GPHN: variants seen among roughly 807,000 people sequenced by gnomAD.
GPHN encodes the protein gephyrin.
Under a neutral mutation model 95.5 loss-of-function variants are expected in GPHN, and 17 were observed. That is an observed-to-expected ratio of 0.18 (90% CI 0.12 to 0.27). GPHN has a LOEUF of 0.27. Ranked by LOEUF, GPHN falls within the 10% of genes least tolerant of loss-of-function variation. The probability of loss-of-function intolerance (pLI) is 1.00; values close to 1 mark genes in which losing one functional copy is unlikely to be tolerated. For synonymous variants in GPHN, 320 were observed against 322.5 expected (o/e 0.99, Z 0.08); for missense variants, 660 against 978.1 (o/e 0.67, Z 4.34).
chr14:67,071,489 G>C (rs1488263219), intron 11 of GPHN, among the ~76,000 whole-genome samples: 2 of 151,802 alleles, frequency 1.3e-5, no homozygotes, highest in African/African-American at 2.4e-5. Flanking sequence ...GTTATGGGAT[G>C]GGGGGAGTGG....
chr14:67,074,464 C>G (rs1330513334), intron 11 of GPHN, among the ~76,000 whole-genome samples: 4 of 152,110 alleles, frequency 2.6e-5, no homozygotes, highest in African/African-American at 9.7e-5. Context: ...GACTGTTTTG[C>G]CAATTGGCTG....
chr14:67,391,271 A>ATGTGTGTGTGTGTGTG, the GPHN span, among the ~76,000 whole-genome samples: 308 of 143,906 alleles, frequency 2.1e-3, no homozygotes, highest in Middle Eastern at 0.011. Flanking sequence ...AGCAGCTGAT[A>ATGTGTGTGTGTGTGTG]TGTGTGTGTG....
chr14:67,082,563 A>T (rs971448733), intron 11 of GPHN, among the ~76,000 whole-genome samples: 4 of 152,212 alleles, frequency 2.6e-5, no homozygotes, highest in African/African-American at 9.6e-5. Flanking sequence ...ATCAGGAAAC[A>T]TGACTCCTCC....
the GPHN span, chr14:67,387,110 C>A: frequency 2.5e-6 from 1 of 402,680 alleles, no homozygotes; most frequent in Non-Finnish European, 4.4e-6. Flanking sequence ...GATGCTGACG[C>A]CTAATGGCTG....
Position 67,159,625 on chromosome 14 carries a change from C to A in GPHN, c.1910+137C>A. On this transcript the variant is annotated intron_variant, in intron 19 of 22. Coordinates refer to ENST00000478722, the MANE Select transcript of GPHN (RefSeq NM_020806.5). ...AAAAAAAGAAATATAGTATTAGGAT[C>A]CTTTGCACAAGTGCAGGTTCTAATG... The A allele has an allele frequency of 7.0e-6, 5 of 713,662 alleles. No homozygotes were observed. In the South Asian group the frequency reaches 7.6e-5, roughly 11 times the overall value. The allele number at this position is 713,662 out of a possible 1,614,324, so 44.2% of individuals were successfully genotyped here.
the GPHN span, among the ~76,000 whole-genome samples, chr14:67,633,172 T>G: frequency 2.0e-5 from 3 of 152,232 alleles, no homozygotes; most frequent in African/African-American, 7.2e-5. Flanking sequence ...TAAGTTACAC[T>G]TTTTAGGTTT....
At chr14:67,207,431 A>C in the GPHN span, among the ~76,000 whole-genome samples, 5 of 152,288 alleles carry the variant, frequency 3.3e-5, no homozygotes, top group South Asian at 1.0e-3. Context: ...TGAGGACAGC[A>C]CCAAGCCATT....
intron 17 of GPHN, among the ~76,000 whole-genome samples, chr14:67,126,295 G>A (rs950248169): frequency 2.0e-5 from 3 of 152,104 alleles, no homozygotes; most frequent in Non-Finnish European, 4.4e-5. Flanking sequence ...GATAAAAATG[G>A]AATCTAAATT....
the GPHN span, among the ~76,000 whole-genome samples, chr14:67,637,359 C>T: frequency 5.1e-5 from 7 of 138,246 alleles, no homozygotes; most frequent in East Asian, 6.7e-4. Flanking sequence ...TGCAGTGAGC[C>T]GAGATCATGC....
chr14:67,232,168 G>A, the GPHN span, among the ~76,000 whole-genome samples: 1 of 152,128 alleles, frequency 6.6e-6, no homozygotes, highest in Non-Finnish European at 1.5e-5. Context: ...GTGGTGTGTG[G>A]TTTTGGAGAC....
chr14:66,641,150 C>T (rs889859927), intron 1 of GPHN, among the ~76,000 whole-genome samples: 2 of 152,138 alleles, frequency 1.3e-5, no homozygotes, highest in African/African-American at 2.4e-5. Flanking sequence ...TGGTCCATAA[C>T]GTATGATGGT....
chr14:67,047,393 T>G, intron 10 of GPHN, among the ~76,000 whole-genome samples: 1 of 141,050 alleles, frequency 7.1e-6, no homozygotes, highest in Non-Finnish European at 1.5e-5. Context: ...TGAGACAGAG[T>G]CTCACTCTGT....
At chr14:67,159,849 G>A (rs554489375) in intron 19 of GPHN, among the ~76,000 whole-genome samples, 1 of 152,102 alleles carries the variant, frequency 6.6e-6, no homozygotes, top group South Asian at 2.1e-4. Context: ...AGTAGGGAAC[G>A]AACCCCCACC....
At chr14:67,724,392 GTTTTTT>G in the GPHN span, 7 of 688,748 alleles carry the variant, frequency 1.0e-5, no homozygotes, top group East Asian at 3.7e-5. Flanking sequence ...GCTGGATAGA[GTTTTTT>G]TTTTTTTTTT....
At chr14:67,609,339 TGGAAGTCTG>T in the GPHN span, among the ~76,000 whole-genome samples, 1 of 152,230 alleles carries the variant, frequency 6.6e-6, no homozygotes, top group Non-Finnish European at 1.5e-5. Context: ...AAGAGGTACA[TGGAAGTCTG>T]GGAAGGTCCT....
chr14:67,701,435 T>C, the GPHN span, among the ~76,000 whole-genome samples: 1 of 144,254 alleles, frequency 6.9e-6, no homozygotes, highest in South Asian at 2.2e-4. Flanking sequence ...CTTTTTTTTT[T>C]TTTTTTTTTT....
chr14:67,545,335 C>A, the GPHN span, among the ~76,000 whole-genome samples: 6 of 152,068 alleles, frequency 3.9e-5, 1 homozygote, highest in Admixed American at 3.9e-4. Flanking sequence ...AATAACTATG[C>A]GCTCAGCTAA....
At chr14:67,279,062 A>T in the GPHN span, 1 of 1,076,948 alleles carries the variant, frequency 9.3e-7, no homozygotes, top group Non-Finnish European at 1.3e-6. Context: ...ATGTGATGTG[A>T]GAAGTTTTTT....
At chr14:66,918,516 C>T (rs1159171841) in intron 6 of GPHN, among the ~76,000 whole-genome samples, 1 of 152,110 alleles carries the variant, frequency 6.6e-6, no homozygotes, top group African/African-American at 2.4e-5. Flanking sequence ...AAAGTGGCCA[C>T]AAGATTATTT....
Sources: gnomAD v4.1 joint callset for allele counts (sites outside exome capture counted in the v4.1 genomes callset) on GRCh38, gnomAD v4.1.1 for gene constraint, MANE v1.5 for transcripts, NCBI Gene and HGNC (gene_info 2026-07-23, HGNC 2026-07-21) for gene names.